The following ADAMTSL1 variants were observed in gnomAD, a reference collection of about 807,000 sequenced individuals.
ADAMTSL1 encodes the protein ADAMTS-like protein 1.
ADAMTSL1 carries 126 observed loss-of-function variants against 201.8 expected under a neutral mutation model. The ratio of observed to expected loss-of-function variants is 0.62; its 90% confidence interval spans 0.54 to 0.72. The LOEUF is 0.72. Ranked by LOEUF, ADAMTSL1 falls within the 30% of genes least tolerant of loss-of-function variation. The pLI, the probability that ADAMTSL1 is intolerant of heterozygous loss-of-function variation, is 0.00. For synonymous variants in ADAMTSL1, 1,121 were observed against 903.4 expected (o/e 1.24, Z -4.32); for missense variants, 2,679 against 2,277.8 (o/e 1.18, Z -3.59).
chr9:17,963,059 G>C (rs768858566), intron 1 of ADAMTSL1, among the ~76,000 whole-genome samples: 56 of 152,318 alleles, frequency 3.7e-4, no homozygotes, highest in Middle Eastern at 3.4e-3. Flanking sequence ...CTTGAGATAA[G>C]TAAATGAGAT....
intron 2 of ADAMTSL1, among the ~76,000 whole-genome samples, chr9:18,321,212 A>G (rs116475603): frequency 1.6e-4 from 24 of 152,338 alleles, no homozygotes; most frequent in African/African-American, 5.5e-4. Context: ...ATCACCCAAT[A>G]TAAAGATATT....
At chr9:18,323,484 T>C (rs967403375) in intron 2 of ADAMTSL1, among the ~76,000 whole-genome samples, 1 of 152,146 alleles carries the variant, frequency 6.6e-6, no homozygotes, top group African/African-American at 2.4e-5. Flanking sequence ...AAATCAAGGA[T>C]GTTTGCACCT....
intron 2 of ADAMTSL1, among the ~76,000 whole-genome samples, chr9:18,202,718 GCTTCT>G (rs1257302805): frequency 6.6e-6 from 1 of 152,114 alleles, no homozygotes; most frequent in Admixed American, 6.6e-5. Context: ...CTGCATATAT[GCTTCT>G]CTCTTCAAGG....
chr9:18,346,954 G>C (rs770036370), intron 2 of ADAMTSL1, among the ~76,000 whole-genome samples: 1 of 152,062 alleles, frequency 6.6e-6, no homozygotes, highest in Non-Finnish European at 1.5e-5. Flanking sequence ...GCAACTCTTT[G>C]CCTCAGACAT....
intron 15 of ADAMTSL1, among the ~76,000 whole-genome samples, chr9:18,735,897 TAAA>T (rs5896803): frequency 5.2e-4 from 75 of 143,752 alleles, no homozygotes; most frequent in Non-Finnish European, 6.2e-4. Flanking sequence ...TCTCTCAAAT[TAAA>T]AAAAAAAAAA....
chr9:18,623,711 C>T (rs1270146348), intron 5 of ADAMTSL1, among the ~76,000 whole-genome samples: 1 of 152,178 alleles, frequency 6.6e-6, no homozygotes, highest in Non-Finnish European at 1.5e-5. Context: ...AGAAATAAGA[C>T]AGCCCTTGTA....
chr9:18,463,492 T>G, intron 2 of ADAMTSL1, among the ~76,000 whole-genome samples: 1 of 152,168 alleles, frequency 6.6e-6, no homozygotes. Context: ...TCTTCAGGAC[T>G]TTTAAAATCT....
chr9:18,151,337 C>T lies in ADAMTSL1; in HGVS notation c.88-12525C>T, dbSNP rs561873216. On this transcript the variant is annotated intron_variant, in intron 1 of 29. Transcript: ENST00000680146. ...CTATTATAGAGGATGTGGGAAGTAA[C>T]CGTGGAAATACTAGCAATAATTTTA... Among the ~76,000 whole-genome samples, 224 of 152,046 alleles carry T rather than the reference C, an allele frequency of 1.5e-3. 2 individuals are homozygous for T. The highest frequency in any genetic ancestry group is 2.6e-3 in the Non-Finnish European group (180 of 67,954).
intron 2 of ADAMTSL1, among the ~76,000 whole-genome samples, chr9:18,368,931 A>AT (rs1315570584): frequency 6.6e-6 from 1 of 152,154 alleles, no homozygotes; most frequent in Non-Finnish European, 1.5e-5. Context: ...GTTCAAACTG[A>AT]TATGTGTTCT....
chr9:18,856,862 G>A (rs1012978981), intron 23 of ADAMTSL1, among the ~76,000 whole-genome samples: 1 of 152,106 alleles, frequency 6.6e-6, no homozygotes, highest in African/African-American at 2.4e-5. Context: ...GGATAGACAA[G>A]ACACTTATTT....
At chr9:18,675,820 C>A in intron 9 of ADAMTSL1, 37 bp from the exon 10 acceptor site, 1 of 1,591,054 alleles carries the variant, frequency 6.3e-7, no homozygotes. Flanking sequence ...TTGTGTGTAC[C>A]TTCTACTCAG....
At chr9:17,971,597 T>A (rs915040735) in intron 1 of ADAMTSL1, among the ~76,000 whole-genome samples, 1 of 152,028 alleles carries the variant, frequency 6.6e-6, no homozygotes, top group Non-Finnish European at 1.5e-5. Flanking sequence ...TATGACTTTA[T>A]GAAGGTAATT....
intron 1 of ADAMTSL1, among the ~76,000 whole-genome samples, chr9:18,017,213 A>G (rs1386613060): frequency 6.6e-6 from 1 of 152,086 alleles, no homozygotes; most frequent in Admixed American, 6.6e-5. Context: ...TTGCAAAGTT[A>G]AAAGCCCTAT....
intron 2 of ADAMTSL1, among the ~76,000 whole-genome samples, chr9:18,228,039 C>G (rs995718299): frequency 2.0e-5 from 3 of 152,204 alleles, no homozygotes; most frequent in Non-Finnish European, 4.4e-5. Context: ...AAGTGACTAA[C>G]TAACAACATA....
chr9:18,225,180 G>C (rs967313055), intron 2 of ADAMTSL1, among the ~76,000 whole-genome samples: 2 of 152,132 alleles, frequency 1.3e-5, no homozygotes, highest in African/African-American at 2.4e-5. Context: ...AGCATTTTGT[G>C]TTTTTCTTCT....
chr9:18,093,765 A>G (rs538358341), intron 1 of ADAMTSL1, among the ~76,000 whole-genome samples: 2 of 152,290 alleles, frequency 1.3e-5, no homozygotes, highest in Admixed American at 1.3e-4. Context: ...CTTGGAAGAG[A>G]AAGAAATCAC....
chr9:18,105,560 G>A lies in ADAMTSL1; in HGVS notation c.88-58302G>A, dbSNP rs1316573265. Among the ~76,000 whole-genome samples, 5 of 152,114 alleles carry A rather than the reference G, an allele frequency of 3.3e-5. No individual in the cohort carries two copies. The South Asian group carries it at 6.2e-4, about 19-fold the overall frequency. ...GTGTTTTGGCCTAGAGGGAAAAATA[G>A]GGTACTTGAAAGAATATTACTGTAG... On this transcript the variant is annotated intron_variant, in intron 1 of 29. Coordinates refer to the ADAMTSL1 transcript ENST00000680146.
chr9:17,994,322 C>T (rs1171841548), intron 1 of ADAMTSL1, among the ~76,000 whole-genome samples: 5 of 152,066 alleles, frequency 3.3e-5, no homozygotes, highest in Non-Finnish European at 7.4e-5. Context: ...ACTTTTCTAT[C>T]TTTTTTTCTT....
At position 18,826,454 on chromosome 9, in the gene ADAMTSL1, C is replaced by T; in HGVS notation, c.4105C>T (p.Leu1369=). The T allele has an allele frequency of 1.2e-6, 2 of 1,612,912 alleles. No homozygotes were observed. Among genetic ancestry groups the T allele is most frequent in the Non-Finnish European group, 1.7e-6 (2 of 1,179,484 alleles). ...AGAGCTGACTGAGAGCACCCAGCTG[C>T]TGATCCTAGGTAAACACTTCAAAGC... is the stretch of plus-strand genomic sequence containing the variant. ...HGELTESTQL[L]ILDPPQVPTQ... The change falls in exon 22 of 29, where the codon CTG becomes TTG. Residue 1369 remains leucine, a synonymous_variant. Transcript: ENST00000380548.
Sources: allele counts gnomAD v4.1 joint callset (sites outside exome capture counted in the v4.1 genomes callset), GRCh38; gene constraint gnomAD v4.1.1; transcripts MANE v1.5; gene names NCBI Gene and HGNC (gene_info 2026-07-23, HGNC 2026-07-21).